The following ABTB1 variants were observed in gnomAD, a reference collection of about 807,000 sequenced individuals.
ABTB1 encodes ankyrin repeat and BTB domain containing 1.
Under a neutral mutation model 57.1 loss-of-function variants are expected in ABTB1, and 45 were observed. The observed-to-expected ratio is 0.79, with a 90% CI of 0.62 to 1.01. ABTB1 has a LOEUF of 1.01. Ranked by LOEUF, ABTB1 falls within the 50% of genes least tolerant of loss-of-function variation. The pLI is 0.00. For synonymous variants in ABTB1, 302 were observed against 275.4 expected (o/e 1.10, Z -0.95); for missense variants, 630 against 666.3 (o/e 0.95, Z 0.60).
intron 10 of ABTB1, chr3:127,678,352 C>CATATCTGGT (rs1438485637): frequency 6.5e-5 from 10 of 153,310 alleles, no homozygotes; most frequent in African/African-American, 2.4e-4. Context: ...AAGCAATCCC[C>CATATCTGGT]ATATCTGGTG....
chr3:127,675,972 G>A lies in ABTB1; in HGVS notation c.178G>A (p.Ala60Thr), dbSNP rs751671272. 2 of 1,605,722 alleles carry A rather than the reference G, an allele frequency of 1.2e-6. No homozygotes were observed. The highest frequency in any genetic ancestry group is 1.3e-5 in the African/African-American group (1 of 74,794). The change falls in exon 4 of 12, where the codon GCC (alanine) becomes ACC (threonine). Residue 60 changes from alanine to threonine, a missense_variant and splice_region_variant. Physicochemically the swap from Ala to Thr is moderately conservative, Grantham distance 58. Around this residue, in one of 3 missense-constraint regions of ABTB1, gnomAD observed 579 missense variants for 585.9 expected, o/e 0.99. Transcript: ENST00000232744. The part of the protein sequence containing the change: ...ELVLYLLANG[A>T]RCEANTFDGE... ...CTGGTGAGCCCTGCCTCCCCCAGGAGCCCGCTGCGAGGCCAACACCTTCGA... is the reference window on the plus strand; with the variant it reads ...CTGGTGAGCCCTGCCTCCCCCAGGAACCCGCTGCGAGGCCAACACCTTCGA...
In ABTB1 at chr3:127,677,294, C is replaced by T. The variant is rs767698602; in HGVS notation, c.762+8C>T. 23 of 1,587,336 alleles carry T rather than the reference C, an allele frequency of 1.4e-5. No individual in the cohort carries two copies. Among genetic ancestry groups the T allele is most frequent in the East Asian group, 2.3e-5 (1 of 44,108 alleles). Reference sequence around the variant, plus strand: ...CTGCCCCCCGAGCTCCGAGTAAGTGCGGGGCTGGTGGGCAGGAAGGGCGTT... The same window carrying T: ...CTGCCCCCCGAGCTCCGAGTAAGTGTGGGGCTGGTGGGCAGGAAGGGCGTT... On this transcript the variant is annotated splice_region_variant and intron_variant, in intron 8 of 11. Transcript: ENST00000232744.
intron 3 of ABTB1, among the ~76,000 whole-genome samples, 183 bp downstream of exon 3, chr3:127,674,783 C>T (rs543000507): frequency 6.6e-6 from 1 of 152,364 alleles, no homozygotes; most frequent in East Asian, 1.9e-4. Context: ...TTTTCTCTGT[C>T]CACCTTGCCC....
At position 127,676,981 on chromosome 3, in the gene ABTB1, G is replaced by A; in HGVS notation, c.541G>A (p.Gly181Ser). Reference protein sequence around the residue: ...QYLYTGRLDIGVEHVSDCERL... With the variant: ...QYLYTGRLDISVEHVSDCERL... ...ACTGCCCCCAGGCCGCCTGGACATT[G>A]GCGTAGAGCATGTGAGTGACTGTGA... The change falls in exon 7 of 12, where the codon GGC becomes AGC. Residue 181 changes from glycine (G) to serine (S), a missense_variant. By Grantham distance (56) the Gly-to-Ser change is moderately conservative. Coordinates refer to ENST00000232744, the MANE Select transcript of ABTB1 (RefSeq NM_172027.3). The surrounding 1 kb of genome is among the most constrained non-coding windows in gnomAD (Gnocchi z 5.4). The A allele has an allele frequency of 6.2e-7, 1 of 1,613,782 alleles. No homozygotes were observed. The highest frequency in any genetic ancestry group is 8.5e-7 in the Non-Finnish European group (1 of 1,179,882).
In ABTB1 at chr3:127,677,264, G is replaced by T; in HGVS notation, c.740G>T (p.Cys247Phe). Reference sequence around the variant, plus strand: ...GAGGACATGGCGCTGCTGGCCGATTGTGCCCTGCCCCCCGAGCTCCGAGTA... The same window carrying T: ...GAGGACATGGCGCTGCTGGCCGATTTTGCCCTGCCCCCCGAGCTCCGAGTA... ...LREDMALLAD[C>F]ALPPELRGDL... The change falls in exon 8 of 12, where the codon TGT becomes TTT. Residue 247 changes from cysteine (C) to phenylalanine (F), a missense_variant. Physicochemically the swap from Cys to Phe is radical, Grantham distance 205 (BLOSUM62 -2). Transcript: ENST00000232744. 6.3e-7 allele frequency: 1 copy of T among 1,593,236 alleles called. No homozygotes were observed. Among genetic ancestry groups the T allele is most frequent in the Non-Finnish European group, 8.5e-7 (1 of 1,170,404 alleles).
In ABTB1 at chr3:127,676,114, G is replaced by T; in HGVS notation, c.320G>T (p.Arg107Leu). ...GATTACTATGACGACTTCTTGCAGCGGTGAGCCAGGGCACACGAGGGGTGC... is the reference window on the plus strand; with the variant it reads ...GATTACTATGACGACTTCTTGCAGCTGTGAGCCAGGGCACACGAGGGGTGC... The part of the protein sequence containing the change: ...RRDYYDDFLQ[R>L]LLEQGIHSDV... The change falls in exon 4 of 12, where the codon CGG (arginine) becomes CTG (leucine). Residue 107 changes from arginine to leucine, a missense_variant and splice_region_variant. Coordinates refer to ENST00000232744, the MANE Select transcript of ABTB1 (RefSeq NM_172027.3). This position sits in a 1 kb window ranked among gnomAD's most constrained non-coding sequence, Gnocchi z 5.4. 1 of 1,613,074 alleles carries T rather than the reference G, an allele frequency of 6.2e-7. No individual in the cohort carries two copies. Among genetic ancestry groups the T allele is most frequent in the Non-Finnish European group, 8.5e-7 (1 of 1,179,880 alleles).
chr3:127,676,601 G>T lies in ABTB1; in HGVS notation c.526+20G>T. 6.2e-7 allele frequency: 1 copy of T among 1,613,224 alleles called. No individual in the cohort carries two copies. Among genetic ancestry groups the T allele is most frequent in the South Asian group, 1.1e-5 (1 of 91,042 alleles). Reference sequence around the variant, plus strand: ...ACACAGGTGACCCCCTGGGTCCAGGGTAGGAGGAGAGGGAGTGGGCCGTCC... The same window carrying T: ...ACACAGGTGACCCCCTGGGTCCAGGTTAGGAGGAGAGGGAGTGGGCCGTCC... On this transcript the variant is annotated intron_variant, in intron 6 of 11. Coordinates refer to ENST00000232744, the MANE Select transcript of ABTB1 (RefSeq NM_172027.3). The surrounding 1 kb of genome is among the most constrained non-coding windows in gnomAD (Gnocchi z 5.4).
rs140458612 is a variant in ABTB1, at chr3:127,677,442, G to A, written c.763-23G>A. 1,594 of 1,612,734 alleles carry A rather than the reference G, an allele frequency of 9.9e-4. 17 individuals are homozygous for A. In the African/African-American group the frequency reaches 0.019, roughly 19 times the overall value. ...ACTTCTGTGAACAACTGCTCTGATG[G>A]GGTCACCTCTTCTGTACCCCAGGGT... On this transcript the variant is annotated intron_variant, in intron 8 of 11. Coordinates refer to ENST00000232744, the MANE Select transcript of ABTB1 (RefSeq NM_172027.3).
At chr3:127,675,904 G>A in intron 3 of ABTB1, 66 bp from the exon 4 acceptor site, 1 of 1,569,302 alleles carries the variant, frequency 6.4e-7, no homozygotes, top group Non-Finnish European at 8.7e-7. Context: ...TGGGGAGGAG[G>A]GACAGGGAGA....
At position 127,675,980 on chromosome 3, in the gene ABTB1, C is replaced by T. The variant is rs749250595; in HGVS notation, c.186C>T (p.Cys62=). The T allele has an allele frequency of 4.0e-5, 64 of 1,606,680 alleles. 1 individual carries two copies. In the South Asian group the frequency reaches 4.6e-4, roughly 12 times the overall value. The change falls in exon 4 of 12, where the codon TGC becomes TGT. Residue 62 remains cysteine (C), a synonymous_variant. Transcript: ENST00000232744. ...VLYLLANGAR[C]EANTFDGERC... Reference sequence around the variant, plus strand: ...CCCTGCCTCCCCCAGGAGCCCGCTGCGAGGCCAACACCTTCGATGGTGAGC... The same window carrying T: ...CCCTGCCTCCCCCAGGAGCCCGCTGTGAGGCCAACACCTTCGATGGTGAGC...
intron 3 of ABTB1, 111 bp from the exon 4 acceptor site, chr3:127,675,859 A>C: frequency 7.7e-6 from 11 of 1,429,968 alleles, no homozygotes; most frequent in Non-Finnish European, 1.0e-5. Flanking sequence ...TTGGGAAGGC[A>C]TCGCCAGAGA....
rs1023685357 is a variant in ABTB1 at position 127,680,304 on chromosome 3, G to A, written c.1266G>A (p.Lys422=). 13 of 1,613,080 alleles carry A rather than the reference G, an allele frequency of 8.1e-6. No individual in the cohort carries two copies. The highest frequency in any genetic ancestry group is 1.7e-4 in the Middle Eastern group (1 of 5,980). Reference sequence around the variant, plus strand: ...GGGAGGACTTCGTGGAGGCGGTGAAGGAGGAGGCAGCGGCTGTGGCAGCCC... The same window carrying A: ...GGGAGGACTTCGTGGAGGCGGTGAAAGAGGAGGCAGCGGCTGTGGCAGCCC... ...VEREDFVEAV[K]EEAAAVAARQ... The change falls in exon 12 of 12, where the codon AAG becomes AAA. Residue 422 remains lysine (K), a synonymous_variant. Transcript: ENST00000232744.
chr3:127,680,415 G>C lies in ABTB1; in HGVS notation c.1377G>C (p.Glu459Asp). The C allele has an allele frequency of 1.2e-6, 2 of 1,607,718 alleles. No homozygotes were observed. Among genetic ancestry groups the C allele is most frequent in the Non-Finnish European group, 1.7e-6 (2 of 1,177,750 alleles). Residue 459 changes from glutamate (E) to aspartate (D), a missense_variant, in exon 12 of 12, where the codon GAG (glutamate) becomes GAC (aspartate). Around this residue, in one of 3 missense-constraint regions of ABTB1, gnomAD observed 43 missense variants for 56.1 expected, o/e 0.77. Transcript: ENST00000232744. ...TGCAGACCTACAGCGCCATAGAGGA[G>C]GCGCAGCAGCGTCTGCGGGCACTCG... ...STVQTYSAIE[E>D]AQQRLRALED...
At position 127,680,668 on chromosome 3, in the gene ABTB1, TC is replaced by T; in HGVS notation, c.*199del. ...GAGGATCCATTTGGGATGAGCCCCC[TC>T]CCCCCAATGCACAAGCCAGCCCCCA... On this transcript the variant is annotated 3_prime_UTR_variant, in exon 12 of 12. Transcript: ENST00000232744. The T allele has an allele frequency of 3.9e-6, 3 of 761,008 alleles. No homozygotes were observed. Among genetic ancestry groups the T allele is most frequent in the Non-Finnish European group, 6.8e-6 (3 of 444,294 alleles). The allele number at this position is 761,008 out of a possible 1,614,324, so 47.1% of individuals were successfully genotyped here. A position where few individuals can be genotyped will look rare whatever the true frequency, so the allele number is the denominator to read the frequency against.
chr3:127,673,291 A>T (rs2074892705), intron 1 of ABTB1: 1 of 391,702 alleles, frequency 2.6e-6, no homozygotes, highest in East Asian at 4.5e-5. Context: ...ATGGCCATTG[A>T]CCCCCGGAGG....
At chr3:127,674,623 A>G in intron 3 of ABTB1, 23 bp downstream of exon 3, 1 of 1,614,064 alleles carries the variant, frequency 6.2e-7, no homozygotes, top group Non-Finnish European at 8.5e-7. Context: ...AGCCCGGCTC[A>G]CGGGTGTGCG....
chr3:127,677,191 G>A lies in ABTB1; in HGVS notation c.667G>A (p.Val223Met), dbSNP rs2075003973. Residue 223 changes from valine (V) to methionine (M), a missense_variant, in exon 8 of 12, where the codon GTG becomes ATG. This residue lies in a region of ABTB1 where 579 missense variants were observed against 585.9 expected (regional missense o/e 0.99). Transcript: ENST00000232744. ...AGTGGCGTCTAAGCCAGGCACGTGTGTGAAGGTGCTGACCATCGAGCCCCC... is the reference window on the plus strand; with the variant it reads ...AGTGGCGTCTAAGCCAGGCACGTGTATGAAGGTGCTGACCATCGAGCCCCC... ...EFVASKPGTC[V>M]KVLTIEPPPA... 1 of 1,613,030 alleles carries A rather than the reference G, an allele frequency of 6.2e-7. No homozygotes were observed. The highest frequency in any genetic ancestry group is 8.5e-7 in the Non-Finnish European group (1 of 1,179,642).
chr3:127,677,396 C>T (rs2075011120), intron 8 of ABTB1, 69 bp from the exon 9 acceptor site: 4 of 1,587,946 alleles, frequency 2.5e-6, no homozygotes, highest in East Asian at 4.5e-5. Flanking sequence ...AGTTACTTCC[C>T]TTTTCTGAAC....
intron 10 of ABTB1, chr3:127,679,630 G>T (rs1035533193): frequency 6.1e-6 from 3 of 495,448 alleles, no homozygotes; most frequent in Non-Finnish European, 1.2e-5. Context: ...GAGGCACAGG[G>T]AGGTGCAGTG....
Sources: allele counts gnomAD v4.1 joint callset (sites outside exome capture counted in the v4.1 genomes callset), GRCh38; gene constraint gnomAD v4.1.1; regional missense constraint gnomAD v4.1.1; non-coding constraint Gnocchi (gnomAD v3.1); transcripts MANE v1.5; gene names NCBI Gene and HGNC (gene_info 2026-07-23, HGNC 2026-07-21).